Variants in ESPNL observed in about 807,000 individuals in gnomAD.
ESPNL encodes the protein espin like.
Under a neutral mutation model 46.8 loss-of-function variants are expected in ESPNL, and 49 were observed. The observed-to-expected ratio is 1.05, with a 90% CI of 0.83 to 1.33. The LOEUF is 1.33. ESPNL is among the 40% of genes most tolerant of loss of function. The pLI is 0.00. For missense variants in ESPNL, 1,540 were observed against 1,436.6 expected (o/e 1.07, Z -1.16); for synonymous variants, 664 against 662.1 (o/e 1.00, Z -0.04).
chr2:238,106,257 C>T (rs1017632866), intron 3 of ESPNL, among the ~76,000 whole-genome samples: 2 of 148,546 alleles, frequency 1.3e-5, no homozygotes, highest in Non-Finnish European at 3.0e-5. Flanking sequence ...AGTGAAGGAA[C>T]AGGGGGCCTG....
chr2:238,103,080 G>T (rs1691522535), intron 2 of ESPNL, among the ~76,000 whole-genome samples: 1 of 152,192 alleles, frequency 6.6e-6, no homozygotes, highest in Non-Finnish European at 1.5e-5. Context: ...GCTGGCCACA[G>T]TCTCTCTCAG....
chr2:238,123,339 G>A (rs927059284), intron 5 of ESPNL, among the ~76,000 whole-genome samples: 1 of 152,358 alleles, frequency 6.6e-6, no homozygotes, highest in East Asian at 1.9e-4. Flanking sequence ...GAGGTCTCCA[G>A]TGAGACTCTC....
At position 238,130,316 on chromosome 2, in the gene ESPNL, G is replaced by A. The variant is rs771258186; in HGVS notation, c.1602G>A (p.Ala534=). The change falls in exon 9 of 9, where the codon GCG becomes GCA. Residue 534 remains alanine (A), a synonymous_variant. Coordinates refer to ENST00000343063, the MANE Select transcript of ESPNL (RefSeq NM_194312.4). ...ATGAGAGTGAGCTGGGCCGGTTGGC[G>A]GCTGAGCTGCAGGCCCTGCTGCCCG... ...QEYESELGRL[A]AELQALLPEP... 2.4e-5 allele frequency: 38 copies of A among 1,607,096 alleles called. No individual in the cohort carries two copies. Among genetic ancestry groups the A allele is most frequent in the South Asian group, 4.4e-5 (4 of 90,222 alleles).
intron 8 of ESPNL, chr2:238,129,201 T>C (rs1364395233): frequency 3.0e-6 from 4 of 1,324,556 alleles, no homozygotes; most frequent in East Asian, 3.0e-5. Context: ...GGGCGCAGCG[T>C]CTAGCAGGGA....
chr2:238,107,996 A>T (rs754584890), intron 4 of ESPNL, 23 bp downstream of exon 4: 3 of 1,594,184 alleles, frequency 1.9e-6, no homozygotes, highest in Non-Finnish European at 2.6e-6. Context: ...TGAGGGAGAC[A>T]GGGTGAGCAG....
intron 5 of ESPNL, among the ~76,000 whole-genome samples, chr2:238,121,280 A>G (rs1024547480): frequency 1.3e-5 from 2 of 152,176 alleles, no homozygotes; most frequent in East Asian, 3.8e-4. Flanking sequence ...AGAACCCTCC[A>G]TGCTCGGGGA....
At chr2:238,110,653 C>A (rs12991510) in intron 4 of ESPNL, among the ~76,000 whole-genome samples, 2 of 33,590 alleles carry the variant, frequency 6.0e-5, no homozygotes, top group East Asian at 9.1e-4. Context: ...GTGTCCCTTT[C>A]CTGTCCCAGG....
chr2:238,108,778 G>A (rs1691656318), intron 4 of ESPNL, among the ~76,000 whole-genome samples: 1 of 152,196 alleles, frequency 6.6e-6, no homozygotes, highest in African/African-American at 2.4e-5. Context: ...CTAGACAACT[G>A]CTCCCAGCTA....
chr2:238,118,776 AGGGG>A (rs1559263551), intron 5 of ESPNL, among the ~76,000 whole-genome samples: 3 of 41,132 alleles, frequency 7.3e-5, no homozygotes, highest in Non-Finnish European at 4.1e-5. Context: ...TGGATGGAGG[AGGGG>A]AGATGGAGGA....
chr2:238,105,707 G>A (rs1024226284), intron 3 of ESPNL, among the ~76,000 whole-genome samples: 1 of 152,108 alleles, frequency 6.6e-6, no homozygotes, highest in Non-Finnish European at 1.5e-5. Flanking sequence ...GGCAGACAGA[G>A]GCGCTGGGAG....
chr2:238,127,878 C>A, intron 7 of ESPNL, 144 bp downstream of exon 7: 1 of 629,408 alleles, frequency 1.6e-6, no homozygotes, highest in Non-Finnish European at 2.8e-6. Flanking sequence ...CACTCCGCTG[C>A]TCTCGAGAAC....
chr2:238,120,097 C>T (rs1310508049), intron 5 of ESPNL, among the ~76,000 whole-genome samples: 1 of 152,108 alleles, frequency 6.6e-6, no homozygotes, highest in African/African-American at 2.4e-5. Context: ...AAATGGTGTG[C>T]TTGCTAGGCG....
At chr2:238,125,569 A>C (rs1350990478) in intron 6 of ESPNL, among the ~76,000 whole-genome samples, 185 bp downstream of exon 6, 2 of 152,232 alleles carry the variant, frequency 1.3e-5, no homozygotes, top group Admixed American at 1.3e-4. Flanking sequence ...CATGAGGATT[A>C]GCATTTTCCG....
intron 3 of ESPNL, among the ~76,000 whole-genome samples, chr2:238,105,543 G>C (rs916872827): frequency 7.3e-5 from 11 of 151,212 alleles, no homozygotes; most frequent in Non-Finnish European, 1.3e-4. Flanking sequence ...GAGTAGAGGA[G>C]GCCCTCTTTG....
At chr2:238,117,683 C>T (rs1474593535) in intron 5 of ESPNL, among the ~76,000 whole-genome samples, 2 of 152,202 alleles carry the variant, frequency 1.3e-5, no homozygotes, top group Admixed American at 1.3e-4. Flanking sequence ...TCCCACTGGT[C>T]CCCAGCCCTT....
intron 6 of ESPNL, among the ~76,000 whole-genome samples, chr2:238,126,851 G>A (rs1167965615): frequency 4.6e-5 from 7 of 151,072 alleles, no homozygotes; most frequent in Non-Finnish European, 1.0e-4. Flanking sequence ...ATCTGTGTGT[G>A]ATTGTGTCTG....
intron 4 of ESPNL, 65 bp downstream of exon 4, chr2:238,108,038 CACTG>C: frequency 1.4e-6 from 2 of 1,430,918 alleles, no homozygotes; most frequent in African/African-American, 2.8e-5. Flanking sequence ...AGTGCTGTGT[CACTG>C]ACCCTCACAG....
chr2:238,122,266 T>C (rs1441428466), intron 5 of ESPNL, among the ~76,000 whole-genome samples: 2 of 152,222 alleles, frequency 1.3e-5, no homozygotes, highest in Non-Finnish European at 2.9e-5. Context: ...GGGGTGTGGT[T>C]ACTCCCGTTG....
chr2:238,123,546 T>C (rs961582878), intron 5 of ESPNL, among the ~76,000 whole-genome samples: 1 of 152,114 alleles, frequency 6.6e-6, no homozygotes, highest in African/African-American at 2.4e-5. Context: ...CCCCGGCCCC[T>C]GCTCTGTGGA....
Sources: gnomAD v4.1 joint callset for allele counts (sites outside exome capture counted in the v4.1 genomes callset) on GRCh38, gnomAD v4.1.1 for gene constraint, MANE v1.5 for transcripts, NCBI Gene and HGNC (gene_info 2026-07-23, HGNC 2026-07-21) for gene names.